Variants in STPG1 observed in about 807,000 individuals in gnomAD.
STPG1 encodes the protein sperm tail PG-rich repeat containing 1, also known as O(6)-methylguanine-induced apoptosis 2.
A neutral mutation model predicts 40.1 loss-of-function variants in STPG1; 33 were observed. The ratio of observed to expected loss-of-function variants is 0.82; its 90% CI spans 0.62 to 1.10. The LOEUF (loss-of-function observed/expected upper bound fraction) is 1.10. Among genes scored for constraint, STPG1 ranks in the 50% least tolerant of loss-of-function variants. The pLI, the probability that STPG1 is intolerant of heterozygous loss-of-function variation, is 0.00. For missense variants in STPG1, 396 were observed against 415.1 expected, an observed-to-expected ratio of 0.95 and a Z score of 0.40; for synonymous variants, 150 against 155.0, an observed-to-expected ratio of 0.97 and a Z score of 0.24.
chr1:24,384,782 T>C (rs1215942795), intron 3 of STPG1, among the ~76,000 whole-genome samples: 1 of 152,174 alleles, frequency 6.6e-6, no homozygotes, highest in African/African-American at 2.4e-5. Context: ...CTTTTCAAAG[T>C]TGGTCTCATT....
chr1:24,370,443 C>T (rs928157984), intron 6 of STPG1, among the ~76,000 whole-genome samples: 19 of 151,676 alleles, frequency 1.3e-4, no homozygotes, highest in African/African-American at 4.6e-4. Context: ...ATCTCAGTCT[C>T]CCGAGTAGCT....
At chr1:24,409,229 A>G (rs928842654) in intron 1 of STPG1, among the ~76,000 whole-genome samples, 2 of 152,160 alleles carry the variant, frequency 1.3e-5, no homozygotes, top group African/African-American at 2.4e-5. Flanking sequence ...GCATGGTGGC[A>G]TGTGCCTGTA....
In STPG1 at chr1:24,369,709, A is replaced by G; in HGVS notation, c.702T>C (p.Ser234=). 1.2e-6 allele frequency: 2 copies of G among 1,605,962 alleles called. No individual in the cohort carries two copies. Among genetic ancestry groups the G allele is most frequent in the Non-Finnish European group, 8.5e-7 (1 of 1,174,790 alleles). The change falls in exon 7 of 9, where the codon AGT becomes AGC. Residue 234 remains serine, a synonymous_variant. Coordinates refer to ENST00000337248, the MANE Select transcript of STPG1 (RefSeq NM_001199013.2). ...TCTTTTTTGGAACTTTTGTGCAATC[A>G]CTGGGGTTGTAATAACCAGGTCCCG... The part of the protein sequence containing the change: ...TGPGPGYYNP[S]DCTKVPKKTL...
At chr1:24,371,352 G>T (rs1219743580) in intron 6 of STPG1, among the ~76,000 whole-genome samples, 1 of 151,990 alleles carries the variant, frequency 6.6e-6, no homozygotes, top group Non-Finnish European at 1.5e-5. Context: ...CTTTGGGAAG[G>T]CAAGGTGGGC....
chr1:24,360,452 AT>A (rs1310780387), intron 8 of STPG1, among the ~76,000 whole-genome samples: 1 of 152,254 alleles, frequency 6.6e-6, no homozygotes, highest in Admixed American at 6.5e-5. Context: ...TCTCAAAAAA[AT>A]AAAAGTAAAA....
At chr1:24,360,483 A>C (rs1241020033) in intron 8 of STPG1, among the ~76,000 whole-genome samples, 4 of 152,172 alleles carry the variant, frequency 2.6e-5, no homozygotes, top group Non-Finnish European at 5.9e-5. Flanking sequence ...AATAATAAAG[A>C]AAAAGAACTT....
At chr1:24,376,561 G>C (rs552841950) in intron 5 of STPG1, among the ~76,000 whole-genome samples, 8 of 152,196 alleles carry the variant, frequency 5.3e-5, no homozygotes, top group Non-Finnish European at 1.0e-4. Context: ...CATACTACTG[G>C]AAAGTTATTC....
At chr1:24,375,041 C>T (rs143998375) in intron 5 of STPG1, among the ~76,000 whole-genome samples, 1 of 152,288 alleles carries the variant, frequency 6.6e-6, no homozygotes, top group African/African-American at 2.4e-5. Context: ...TTGGGGCACA[C>T]AAGAAAGTCG....
intron 6 of STPG1, among the ~76,000 whole-genome samples, chr1:24,373,024 G>C (rs567532591): frequency 6.6e-6 from 1 of 152,324 alleles, no homozygotes; most frequent in African/African-American, 2.4e-5. Context: ...GTTCCAGAAG[G>C]GACAATGGAA....
intron 5 of STPG1, among the ~76,000 whole-genome samples, chr1:24,374,971 C>T (rs1275253431): frequency 6.6e-6 from 1 of 152,188 alleles, no homozygotes; most frequent in Non-Finnish European, 1.5e-5. Flanking sequence ...CTACCCATCC[C>T]CATCCTCATT....
At chr1:24,369,484 G>A in intron 7 of STPG1, 190 bp downstream of exon 7, 1 of 704,054 alleles carries the variant, frequency 1.4e-6, no homozygotes, top group South Asian at 1.6e-5. Context: ...CTGGCACACA[G>A]TGGTTGCTCA....
intron 4 of STPG1, among the ~76,000 whole-genome samples, chr1:24,380,880 A>G (rs1181820205): frequency 2.0e-5 from 3 of 152,200 alleles, no homozygotes; most frequent in Non-Finnish European, 4.4e-5. Flanking sequence ...CCAAACTCGA[A>G]TTCTAATAAG....
chr1:24,403,515 T>G (rs555900683), intron 1 of STPG1, among the ~76,000 whole-genome samples: 2 of 152,280 alleles, frequency 1.3e-5, no homozygotes, highest in South Asian at 4.1e-4. Flanking sequence ...TGGATTTTGA[T>G]TGAGATTGCA....
At chr1:24,405,615 G>T (rs563994006) in intron 1 of STPG1, among the ~76,000 whole-genome samples, 5 of 152,226 alleles carry the variant, frequency 3.3e-5, no homozygotes, top group South Asian at 2.1e-4. Context: ...ACTAAGAAGT[G>T]TTGAAATTCC....
At chr1:24,409,076 C>T (rs1643516480) in intron 1 of STPG1, among the ~76,000 whole-genome samples, 1 of 152,180 alleles carries the variant, frequency 6.6e-6, no homozygotes. Context: ...TCTATAAAAG[C>T]AGCCCCTAGG....
intron 3 of STPG1, among the ~76,000 whole-genome samples, chr1:24,390,117 A>AT (rs1642696951): frequency 6.6e-6 from 1 of 152,220 alleles, no homozygotes; most frequent in Non-Finnish European, 1.5e-5. Context: ...GATGAAAACC[A>AT]TTTTTAGAGT....
At chr1:24,407,042 A>G (rs1643440776) in intron 1 of STPG1, among the ~76,000 whole-genome samples, 1 of 152,146 alleles carries the variant, frequency 6.6e-6, no homozygotes, top group Admixed American at 6.5e-5. Context: ...ATTTCCTACA[A>G]TATGGTGTTT....
chr1:24,374,241 A>C (rs1553122542), intron 5 of STPG1, among the ~76,000 whole-genome samples: 3 of 135,770 alleles, frequency 2.2e-5, no homozygotes, highest in Non-Finnish European at 4.6e-5. Context: ...CCGCTAGGAA[A>C]GTGTTTTTTT....
chr1:24,367,613 G>T (rs369189098), intron 7 of STPG1, among the ~76,000 whole-genome samples: 2 of 152,082 alleles, frequency 1.3e-5, no homozygotes, highest in African/African-American at 2.4e-5. Flanking sequence ...CCACCTCCCC[G>T]GTTCAAGCAA....
Sources: allele counts gnomAD v4.1 joint callset (sites outside exome capture counted in the v4.1 genomes callset), GRCh38; gene constraint gnomAD v4.1.1; transcripts MANE v1.5; gene names NCBI Gene and HGNC (gene_info 2026-07-23, HGNC 2026-07-21).